ABRAXAS1: variants seen among roughly 807,000 people sequenced by gnomAD.
ABRAXAS1 encodes the protein BRCA1-A complex subunit Abraxas 1.
ABRAXAS1 carries 26 observed loss-of-function variants against 38.4 expected under a neutral mutation model. That is an observed-to-expected ratio of 0.68 (90% CI 0.50 to 0.94). The LOEUF (loss-of-function observed/expected upper bound fraction) is 0.94, where lower values mean the gene tolerates loss of function less well. Among genes scored for constraint, ABRAXAS1 ranks in the 40% least tolerant of loss-of-function variants. ABRAXAS1 has a pLI of 0.00. For synonymous variants in ABRAXAS1, 144 were observed against 165.5 expected, an observed-to-expected ratio of 0.87 and a Z score of 1.00; for missense variants, 438 against 481.9, an observed-to-expected ratio of 0.91 and a Z score of 0.85.
At chr4:83,465,955 C>T (rs1722338120) in intron 7 of ABRAXAS1, among the ~76,000 whole-genome samples, 1 of 152,172 alleles carries the variant, frequency 6.6e-6, no homozygotes, top group Admixed American at 6.5e-5. Context: ...AGTAAGATCT[C>T]CAACTGGGGG....
chr4:83,464,385 A>G (rs1447795768), intron 7 of ABRAXAS1, among the ~76,000 whole-genome samples: 2 of 152,230 alleles, frequency 1.3e-5, no homozygotes, highest in African/African-American at 2.4e-5. Context: ...TTTAGTTTTA[A>G]AAGTATGAAT....
rs764782835 is a variant in ABRAXAS1 at position 83,470,218 on chromosome 4, T to C, written c.461A>G (p.Tyr154Cys). ...CSTHRLEHSL[Y>C]KPQKGLFHRV... Reference sequence around the variant, plus strand: ...CAACATTTACCCTTTTTGAGGTTTATATAAGGAATGTTCCAGTCGATGAGT... The same window carrying C: ...CAACATTTACCCTTTTTGAGGTTTACATAAGGAATGTTCCAGTCGATGAGT... Residue 154 changes from tyrosine (Y) to cysteine (C), a missense_variant, in exon 5 of 9, where the codon TAT becomes TGT. Physicochemically the swap from Tyr to Cys is radical, Grantham distance 194. Around this residue, in one of 3 missense-constraint regions of ABRAXAS1, gnomAD observed 194 missense variants for 269.0 expected, o/e 0.72. Coordinates refer to ENST00000321945, the MANE Select transcript of ABRAXAS1 (RefSeq NM_139076.3). The C allele has an allele frequency of 3.1e-6, 5 of 1,612,476 alleles. No homozygotes were observed. The highest frequency in any genetic ancestry group is 1.7e-5 in the Admixed American group (1 of 59,796).
rs1723140479 is a variant in ABRAXAS1 at position 83,485,092 on chromosome 4, A to G, written c.-20T>C. 1 of 1,560,632 alleles carries G rather than the reference A, an allele frequency of 6.4e-7. No individual in the cohort carries two copies. The highest frequency in any genetic ancestry group is 8.7e-7 in the Non-Finnish European group (1 of 1,150,614). On this transcript the variant is annotated 5_prime_UTR_variant, in exon 1 of 9. Transcript: ENST00000321945. ...CTCCATGCTACCGCCGCCTCAGGCT[A>G]CACAAGAGGACGAGGGCGGGGCGCG...
At chr4:83,465,950 G>T (rs542991273) in intron 7 of ABRAXAS1, among the ~76,000 whole-genome samples, 1 of 152,270 alleles carries the variant, frequency 6.6e-6, no homozygotes, top group East Asian at 1.9e-4. Context: ...TCCTTAGTAA[G>T]ATCTCCAACT....
chr4:83,481,585 T>G (rs1723002204), intron 2 of ABRAXAS1, among the ~76,000 whole-genome samples: 1 of 152,190 alleles, frequency 6.6e-6, no homozygotes, highest in African/African-American at 2.4e-5. Context: ...CCGGGCCATC[T>G]TCCTACTAAA....
At position 83,482,154 on chromosome 4, in the gene ABRAXAS1, C is replaced by A. The variant is rs1723019033; in HGVS notation, c.178G>T (p.Asp60Tyr). Residue 60 changes from aspartate (D) to tyrosine (Y), a missense_variant and splice_region_variant, in exon 2 of 9, where the codon GAC becomes TAC. Physicochemically the swap from Asp to Tyr is radical, Grantham distance 160. Around this residue, in one of 3 missense-constraint regions of ABRAXAS1, gnomAD observed 194 missense variants for 269.0 expected, o/e 0.72. Coordinates refer to ENST00000321945, the MANE Select transcript of ABRAXAS1 (RefSeq NM_139076.3). Reference sequence around the variant, plus strand: ...AATATAGGAGAAATAAATAACTCACCAATTGTATAAACAACTTCAACATCA... The same window carrying A: ...AATATAGGAGAAATAAATAACTCACAAATTGTATAAACAACTTCAACATCA... ...MDDVEVVYTI[D>Y]IQKYIPCYQL... The A allele has an allele frequency of 6.3e-7, 1 of 1,588,496 alleles. No homozygotes were observed. Among genetic ancestry groups the A allele is most frequent in the East Asian group, 2.2e-5 (1 of 44,606 alleles).
chr4:83,466,264 CTCT>C (rs748687070), intron 7 of ABRAXAS1, among the ~76,000 whole-genome samples: 12 of 152,270 alleles, frequency 7.9e-5, no homozygotes, highest in African/African-American at 1.9e-4. Flanking sequence ...TTCTTTCTTC[CTCT>C]TCTTTATCCT....
At chr4:83,463,105 AAT>A (rs1270846198) in intron 8 of ABRAXAS1, among the ~76,000 whole-genome samples, 3 of 152,202 alleles carry the variant, frequency 2.0e-5, no homozygotes, top group African/African-American at 7.2e-5. Context: ...TCATGTCAGC[AAT>A]ATAGCTACCA....
At position 83,467,518 on chromosome 4, in the gene ABRAXAS1, T is replaced by G. The variant is rs1722417647; in HGVS notation, c.617A>C (p.Asp206Ala). ...QTHSSKFFEE[D>A]GSLKEVHKIN... Reference sequence around the variant, plus strand: ...CTTATGTACCTCCTTTAAGGATCCATCTTCTTCAAAAAATTTAGAGCTGTA... The same window carrying G: ...CTTATGTACCTCCTTTAAGGATCCAGCTTCTTCAAAAAATTTAGAGCTGTA... Residue 206 changes from aspartate to alanine, a missense_variant, in exon 7 of 9, where the codon GAT becomes GCT. By Grantham distance (126) the Asp-to-Ala change is moderately radical. This residue lies in a region of ABRAXAS1 where 194 missense variants were observed against 269.0 expected (regional missense o/e 0.72). Coordinates refer to ENST00000321945, the MANE Select transcript of ABRAXAS1 (RefSeq NM_139076.3). 1 of 1,553,104 alleles carries G rather than the reference T, an allele frequency of 6.4e-7. No individual in the cohort carries two copies. The highest frequency in any genetic ancestry group is 8.8e-7 in the Non-Finnish European group (1 of 1,131,712).
Position 83,461,970 on chromosome 4 carries a change from A to G in ABRAXAS1, c.*499T>C, listed in dbSNP as rs1401892374. On this transcript the variant is annotated 3_prime_UTR_variant, in exon 9 of 9. Transcript: ENST00000321945. ...ACTCTAGCCATAATGTACTTCTAAA[A>G]AAGTATCACTTAAGGAGAATTTTAA... The G allele has an allele frequency of 1.3e-5, 3 of 229,372 alleles. No individual in the cohort carries two copies. The highest frequency in any genetic ancestry group is 2.6e-5 in the Non-Finnish European group (3 of 115,784). The allele number at this position is 229,372 out of a possible 1,614,324, so 14.2% of individuals were successfully genotyped here.
intron 4 of ABRAXAS1, 113 bp from the exon 5 acceptor site, chr4:83,470,509 A>G: frequency 1.4e-6 from 1 of 713,452 alleles, no homozygotes; most frequent in Non-Finnish European, 2.2e-6. Context: ...ATTTAGAAAG[A>G]TTTGGGGCAT....
chr4:83,477,261 C>T (rs1722811357), intron 2 of ABRAXAS1, among the ~76,000 whole-genome samples: 1 of 152,048 alleles, frequency 6.6e-6, no homozygotes, highest in South Asian at 2.1e-4. Context: ...ATGCCTAGAA[C>T]TATGTTAGAT....
Position 83,462,762 on chromosome 4 carries a change from A to G in ABRAXAS1, c.937T>C (p.Tyr313His), listed in dbSNP as rs1722179072. ...NRHVSKSSCN[Y>H]NHHLDVVDNL... ...TCTACTACATCGAGATGGTGGTTGTAGTTACAGCTACTTTTAGAAACATGT... is the reference window on the plus strand; with the variant it reads ...TCTACTACATCGAGATGGTGGTTGTGGTTACAGCTACTTTTAGAAACATGT... The change falls in exon 9 of 9, where the codon TAC (tyrosine) becomes CAC (histidine). Residue 313 changes from tyrosine (Y) to histidine (H), a missense_variant. Physicochemically the swap from Tyr to His is moderately conservative, Grantham distance 83. Around this residue, in one of 3 missense-constraint regions of ABRAXAS1, gnomAD observed 184 missense variants for 181.9 expected, o/e 1.01. Coordinates refer to ENST00000321945, the MANE Select transcript of ABRAXAS1 (RefSeq NM_139076.3). 1.9e-5 allele frequency: 31 copies of G among 1,614,004 alleles called. No individual in the cohort carries two copies. Among genetic ancestry groups the G allele is most frequent in the Non-Finnish European group, 2.5e-5 (30 of 1,179,990 alleles).
chr4:83,476,838 C>T (rs572760820), intron 2 of ABRAXAS1, among the ~76,000 whole-genome samples, 159 bp from the exon 3 acceptor site: 1 of 152,220 alleles, frequency 6.6e-6, no homozygotes, highest in Admixed American at 6.6e-5. Flanking sequence ...ATCATTATTC[C>T]CCTTTCAAAG....
chr4:83,481,925 T>G (rs922031169), intron 2 of ABRAXAS1, among the ~76,000 whole-genome samples: 3 of 152,062 alleles, frequency 2.0e-5, no homozygotes, highest in Non-Finnish European at 4.4e-5. Flanking sequence ...AATTTTTGTA[T>G]TTTTAGTAGA....
intron 7 of ABRAXAS1, among the ~76,000 whole-genome samples, chr4:83,464,983 C>G (rs1036005343): frequency 1.3e-5 from 2 of 152,216 alleles, no homozygotes; most frequent in South Asian, 4.1e-4. Flanking sequence ...ATAACATTCT[C>G]TATGAAATAT....
chr4:83,460,947 G>T lies in ABRAXAS1; in HGVS notation c.*1522C>A. On this transcript the variant is annotated 3_prime_UTR_variant, in exon 9 of 9. Coordinates refer to ENST00000321945, the MANE Select transcript of ABRAXAS1 (RefSeq NM_139076.3). ...AACTTTAAATATTGACATTTTTTATGAATAAGAAAGCTTTTTATTTTACAG... is the reference window on the plus strand; with the variant it reads ...AACTTTAAATATTGACATTTTTTATTAATAAGAAAGCTTTTTATTTTACAG... The T allele has an allele frequency of 1.9e-6, 3 of 1,576,620 alleles. No individual in the cohort carries two copies. In the South Asian group the frequency reaches 3.5e-5, roughly 19 times the overall value.
intron 2 of ABRAXAS1, chr4:83,480,286 C>T (rs930498832): frequency 6.2e-5 from 22 of 357,076 alleles, no homozygotes; most frequent in African/African-American, 4.0e-4. Flanking sequence ...GCAGGAGAAT[C>T]GCTTGACCTC....
chr4:83,470,380 T>A lies in ABRAXAS1; in HGVS notation c.299A>T (p.Tyr100Phe), dbSNP rs878855207. ...CTGATCTGAATGACGACGGAATTTGTACCAACCTACCACATTCTGAAATAC... is the reference window on the plus strand; with the variant it reads ...CTGATCTGAATGACGACGGAATTTGAACCAACCTACCACATTCTGAAATAC... ...SNVKKNVVGWYKFRRHSDQIM... is the reference protein window; with the variant it reads ...SNVKKNVVGWFKFRRHSDQIM... The change falls in exon 5 of 9, where the codon TAC becomes TTC. Residue 100 changes from tyrosine (Y) to phenylalanine (F), a missense_variant. Physicochemically the swap from Tyr to Phe is conservative, Grantham distance 22. Around this residue, in one of 3 missense-constraint regions of ABRAXAS1, gnomAD observed 194 missense variants for 269.0 expected, o/e 0.72. Transcript: ENST00000321945. 1.2e-6 allele frequency: 2 copies of A among 1,612,674 alleles called. No homozygotes were observed. The highest frequency in any genetic ancestry group is 3.3e-5 in the Admixed American group (2 of 59,918).
Sources: gnomAD v4.1 joint callset for allele counts (sites outside exome capture counted in the v4.1 genomes callset) on GRCh38, gnomAD v4.1.1 for gene constraint, gnomAD v4.1.1 regional missense constraint, MANE v1.5 for transcripts, NCBI Gene and HGNC (gene_info 2026-07-23, HGNC 2026-07-21) for gene names.